The following STT3B variants were observed in gnomAD, a reference collection of about 807,000 sequenced individuals.
The protein encoded by STT3B is dolichyl-diphosphooligosaccharide--protein glycosyltransferase subunit STT3B.
Under a neutral mutation model 96.8 loss-of-function variants are expected in STT3B, and 29 were observed. The observed-to-expected ratio is 0.30, with a 90% CI of 0.22 to 0.41. The LOEUF (loss-of-function observed/expected upper bound fraction) is 0.41, where lower values mean the gene tolerates loss of function less well. Among genes scored for constraint, STT3B ranks in the 10% least tolerant of loss-of-function variants. STT3B has a pLI of 1.00. For missense variants in STT3B, 640 were observed against 1,022.3 expected (o/e 0.63, Z 5.10); for synonymous variants, 367 against 360.0 (o/e 1.02, Z -0.22).
intron 1 of STT3B, among the ~76,000 whole-genome samples, chr3:31,564,148 A>T (rs1195719853): frequency 6.6e-6 from 1 of 152,184 alleles, no homozygotes; most frequent in African/African-American, 2.4e-5. Context: ...TCTATATAAA[A>T]AAAATAGTTT....
At chr3:31,535,218 G>A (rs1238151437) in intron 1 of STT3B, among the ~76,000 whole-genome samples, 1 of 151,984 alleles carries the variant, frequency 6.6e-6, no homozygotes, top group East Asian at 1.9e-4. Flanking sequence ...TTTTCCTTAA[G>A]ATTAGAAATC....
intron 1 of STT3B, among the ~76,000 whole-genome samples, chr3:31,551,290 A>G (rs1163342072): frequency 6.6e-6 from 1 of 151,938 alleles, no homozygotes; most frequent in African/African-American, 2.4e-5. Flanking sequence ...ATCTCGGCTC[A>G]CTACAACCTC....
chr3:31,543,974 AAGAC>A (rs1212339857), intron 1 of STT3B, among the ~76,000 whole-genome samples: 2 of 152,258 alleles, frequency 1.3e-5, no homozygotes, highest in East Asian at 1.9e-4. Context: ...GAAATGAAAA[AAGAC>A]AGATGACAGC....
chr3:31,616,215 A>G (rs1356359658), intron 6 of STT3B, among the ~76,000 whole-genome samples: 1 of 151,842 alleles, frequency 6.6e-6, no homozygotes, highest in Admixed American at 6.6e-5. Flanking sequence ...CTTAAGGCCT[A>G]TTTGTTCATA....
At chr3:31,632,390 C>T (rs987641598) in intron 14 of STT3B, among the ~76,000 whole-genome samples, 11 of 152,002 alleles carry the variant, frequency 7.2e-5, no homozygotes, top group African/African-American at 1.2e-4. Context: ...TAATTTTTAG[C>T]GTTAAGTAAA....
chr3:31,600,316 A>G, intron 4 of STT3B, 44 bp from the exon 5 acceptor site: 1 of 889,278 alleles, frequency 1.1e-6, no homozygotes, highest in Non-Finnish European at 1.7e-6. Flanking sequence ...ACTTATTTTA[A>G]AAAGTAAAAA....
chr3:31,590,701 G>A lies in STT3B; in HGVS notation c.712-6097G>A, dbSNP rs76415817. Among the ~76,000 whole-genome samples, 411 of 152,150 alleles carry A rather than the reference G, an allele frequency of 2.7e-3. 1 individual carries two copies. Among genetic ancestry groups the A allele is most frequent in the African/African-American group, 9.5e-3 (393 of 41,536 alleles). ...ATGGTCTAGCACAGAAGTCTGTGAA[G>A]TATGGCCCATATGTAGGTTACCTGC... On this transcript the variant is annotated intron_variant, in intron 3 of 15. Coordinates refer to ENST00000295770, the MANE Select transcript of STT3B (RefSeq NM_178862.3).
intron 1 of STT3B, among the ~76,000 whole-genome samples, chr3:31,568,481 A>G (rs895348633): frequency 5.9e-5 from 9 of 152,142 alleles, no homozygotes; most frequent in Non-Finnish European, 1.2e-4. Flanking sequence ...CACCAACAGT[A>G]TAGGACTGTT....
chr3:31,627,991 A>G (rs910489777), intron 13 of STT3B, among the ~76,000 whole-genome samples: 1 of 139,168 alleles, frequency 7.2e-6, no homozygotes, highest in African/African-American at 2.5e-5. Flanking sequence ...AAGAGGATAT[A>G]CAAAAAAGTC....
chr3:31,619,427 C>G (rs1031088856), intron 8 of STT3B, among the ~76,000 whole-genome samples: 2 of 152,128 alleles, frequency 1.3e-5, no homozygotes, highest in Non-Finnish European at 2.9e-5. Context: ...TATTGGAATT[C>G]AGAGCCAACA....
At chr3:31,613,194 A>G (rs73826808) in intron 5 of STT3B, among the ~76,000 whole-genome samples, 7,669 of 152,098 alleles carry the variant, frequency 0.05, 659 homozygotes, top group African/African-American at 0.17. Flanking sequence ...TCTCTTTAAA[A>G]TGGTTATGTC....
intron 3 of STT3B, among the ~76,000 whole-genome samples, chr3:31,581,108 C>T (rs982630604): frequency 8.6e-5 from 13 of 151,842 alleles, no homozygotes; most frequent in African/African-American, 2.9e-4. Flanking sequence ...ATGAGAAATC[C>T]TTGATGTAAG....
intron 3 of STT3B, among the ~76,000 whole-genome samples, chr3:31,588,458 T>C (rs540161321): frequency 1.3e-5 from 2 of 152,184 alleles, no homozygotes; most frequent in African/African-American, 4.8e-5. Context: ...AAAAAATCCT[T>C]TTACAAAAAT....
chr3:31,586,550 A>G (rs1311629758), intron 3 of STT3B, among the ~76,000 whole-genome samples: 1 of 152,090 alleles, frequency 6.6e-6, no homozygotes, highest in South Asian at 2.1e-4. Flanking sequence ...TCTGTCATCT[A>G]TTTTAAGTTG....
intron 1 of STT3B, among the ~76,000 whole-genome samples, chr3:31,561,822 G>A (rs1056342284): frequency 6.6e-6 from 1 of 152,038 alleles, no homozygotes; most frequent in Non-Finnish European, 1.5e-5. Flanking sequence ...GTATGGTGTT[G>A]GTTGGATATG....
intron 1 of STT3B, among the ~76,000 whole-genome samples, chr3:31,575,715 T>C (rs1313054105): frequency 1.3e-5 from 2 of 151,994 alleles, no homozygotes; most frequent in African/African-American, 2.4e-5. Context: ...TGCTTCGAAA[T>C]AGTAGGGGGA....
At chr3:31,550,979 G>T (rs1467164196) in intron 1 of STT3B, among the ~76,000 whole-genome samples, 3 of 152,034 alleles carry the variant, frequency 2.0e-5, no homozygotes, top group Non-Finnish European at 2.9e-5. Context: ...TGAATTTTGG[G>T]TATATATGAA....
chr3:31,579,761 T>C (rs1698342914), intron 2 of STT3B, 48 bp from the exon 3 acceptor site: 3 of 1,418,478 alleles, frequency 2.1e-6, no homozygotes, highest in Non-Finnish European at 2.9e-6. Flanking sequence ...TTAATATTTT[T>C]GTGTCTCATT....
At chr3:31,558,905 G>A (rs965735501) in intron 1 of STT3B, among the ~76,000 whole-genome samples, 1 of 150,536 alleles carries the variant, frequency 6.6e-6, no homozygotes, top group Non-Finnish European at 1.5e-5. Flanking sequence ...ATCTTGATAG[G>A]TTATGCTTAT....
Sources: gnomAD v4.1 joint callset for allele counts (sites outside exome capture counted in the v4.1 genomes callset) on GRCh38, gnomAD v4.1.1 for gene constraint, MANE v1.5 for transcripts, NCBI Gene and HGNC (gene_info 2026-07-23, HGNC 2026-07-21) for gene names.